Variants in SMAD6 observed in about 807,000 individuals in gnomAD.
SMAD6 encodes the protein SMAD family member 6.
A neutral mutation model predicts 39.4 loss-of-function variants in SMAD6; 103 were observed. The ratio of observed to expected loss-of-function variants is 2.62; its 90% confidence interval spans 2.23 to 3.08. The LOEUF is 3.08. Among genes scored for constraint, SMAD6 ranks in the 30% most tolerant of loss-of-function variants. The pLI is 0.00. For synonymous variants in SMAD6, 445 were observed against 353.3 expected (o/e 1.26, Z -2.91); for missense variants, 1,104 against 742.9 (o/e 1.49, Z -5.65).
Position 66,703,791 on chromosome 15 carries a change from C to A in SMAD6, c.533C>A (p.Ser178Ter). ...LEQELKTVTY[S>*]LLKRLKERSL... Reference sequence around the variant, plus strand: ...CAGGAACTCAAAACCGTCACGTACTCGCTGCTGAAGCGGCTCAAGGAGCGC... The same window carrying A: ...CAGGAACTCAAAACCGTCACGTACTAGCTGCTGAAGCGGCTCAAGGAGCGC... Residue 178 changes from serine to a stop codon, truncating the protein, a stop_gained, in exon 1 of 4, where the codon TCG becomes TAG. Transcript: ENST00000288840. LOFTEE classifies it high-confidence loss of function. The A allele has an allele frequency of 1.4e-6, 2 of 1,441,246 alleles. No individual in the cohort carries two copies. Among genetic ancestry groups the A allele is most frequent in the Non-Finnish European group, 1.8e-6 (2 of 1,086,702 alleles). The allele number at this position is 1,441,246 out of a possible 1,614,324, so 89.3% of individuals were successfully genotyped here.
chr15:66,774,060 G>A lies in SMAD6; in HGVS notation c.953-6937G>A, dbSNP rs534640598. On this transcript the variant is annotated intron_variant, in intron 3 of 3. Transcript: ENST00000288840. ...AGACCCCTGAAGACCCAGAGGACTC[G>A]GGCTGAGCCTCCCACGAATGCCCTG... 9.2e-5 allele frequency among the ~76,000 whole-genome samples: 14 copies of A among 152,286 alleles called. No homozygotes were observed. In the East Asian group the frequency reaches 9.7e-4, roughly 10 times the overall value.
chr15:66,708,823 A>G, intron 1 of SMAD6: 1 of 454,052 alleles, frequency 2.2e-6, no homozygotes. Context: ...TGCGATAAAA[A>G]AAATGTCTTG....
intron 1 of SMAD6, chr15:66,707,986 C>G (rs528317586): frequency 2.6e-5 from 4 of 152,286 alleles, no homozygotes; most frequent in Non-Finnish European, 5.9e-5. Context: ...CTAAGTACCC[C>G]CTGGGGGCTA....
At chr15:66,709,040 G>A (rs1402080603) in intron 1 of SMAD6, among the ~76,000 whole-genome samples, 2 of 152,234 alleles carry the variant, frequency 1.3e-5, no homozygotes, top group East Asian at 3.8e-4. Context: ...CCTTCAGCAA[G>A]TGGGACCTTA....
intron 3 of SMAD6, among the ~76,000 whole-genome samples, chr15:66,771,248 G>C (rs910350089): frequency 6.6e-6 from 1 of 152,212 alleles, no homozygotes; most frequent in Non-Finnish European, 1.5e-5. Flanking sequence ...ACGGTCTATG[G>C]AGGAGACACT....
intron 3 of SMAD6, among the ~76,000 whole-genome samples, chr15:66,729,033 C>G (rs1893574185): frequency 6.6e-6 from 1 of 152,200 alleles, no homozygotes; most frequent in Non-Finnish European, 1.5e-5. Flanking sequence ...AGAAGCCCCT[C>G]TAGAGGGGAT....
At chr15:66,771,420 G>C (rs1346086514) in intron 3 of SMAD6, among the ~76,000 whole-genome samples, 1 of 152,244 alleles carries the variant, frequency 6.6e-6, no homozygotes, top group Non-Finnish European at 1.5e-5. Flanking sequence ...TGTTCTGCCA[G>C]AGAGGTGGGG....
Position 66,717,264 on chromosome 15 carries a change from G to C in SMAD6, c.952+766G>C, listed in dbSNP as rs904241861. 1.1e-5 allele frequency: 6 copies of C among 562,172 alleles called. No homozygotes were observed. The African/African-American group carries it at 1.2e-4, about 11-fold the overall frequency. The allele number at this position is 562,172 out of a possible 1,614,324, so 34.8% of individuals were successfully genotyped here. A position where few individuals can be genotyped will look rare whatever the true frequency, so the allele number is the denominator to read the frequency against. On this transcript the variant is annotated intron_variant, in intron 3 of 3. Transcript: ENST00000288840. ...GGGACTGACAGCCCCTCAGGCTGGG[G>C]CTGCATACCTTGTGGGCATGTCTGG...
chr15:66,771,604 C>T (rs949488219), intron 3 of SMAD6, among the ~76,000 whole-genome samples: 7 of 152,152 alleles, frequency 4.6e-5, no homozygotes, highest in African/African-American at 1.7e-4. Flanking sequence ...CTCTGAGGAC[C>T]ACCCAAGAGA....
chr15:66,768,145 A>AC (rs1894322154), intron 3 of SMAD6, among the ~76,000 whole-genome samples: 1 of 151,290 alleles, frequency 6.6e-6, no homozygotes, highest in Non-Finnish European at 1.5e-5. Context: ...ATAATTTTTT[A>AC]TTTTTTTGTA....
intron 3 of SMAD6, among the ~76,000 whole-genome samples, chr15:66,763,072 C>T (rs1005791250): frequency 6.6e-6 from 1 of 152,158 alleles, no homozygotes; most frequent in Non-Finnish European, 1.5e-5. Context: ...AGAAGATGTC[C>T]AAAGTGCCCT....
intron 3 of SMAD6, among the ~76,000 whole-genome samples, chr15:66,759,857 G>T (rs1022904247): frequency 5.3e-5 from 8 of 152,224 alleles, no homozygotes; most frequent in African/African-American, 1.9e-4. Flanking sequence ...CTCTGTTGGG[G>T]TGTGCATACC....
chr15:66,712,238 A>G (rs1893246210), intron 2 of SMAD6, among the ~76,000 whole-genome samples: 1 of 152,196 alleles, frequency 6.6e-6, no homozygotes, highest in African/African-American at 2.4e-5. Flanking sequence ...AGGAATGTAT[A>G]TTGGTACACA....
At chr15:66,771,403 G>A (rs1894377073) in intron 3 of SMAD6, among the ~76,000 whole-genome samples, 2 of 152,194 alleles carry the variant, frequency 1.3e-5, no homozygotes, top group African/African-American at 4.8e-5. Context: ...AGCCCAGGCC[G>A]CCACTTTGTT....
chr15:66,737,543 G>T (rs1056780861), intron 3 of SMAD6, among the ~76,000 whole-genome samples: 17 of 152,150 alleles, frequency 1.1e-4, no homozygotes, highest in African/African-American at 3.9e-4. Context: ...AGGAGGAAGG[G>T]TTTTGTTGGG....
At chr15:66,740,324 C>G (rs1365488158) in intron 3 of SMAD6, 4 of 152,244 alleles carry the variant, frequency 2.6e-5, no homozygotes, top group Admixed American at 2.6e-4. Flanking sequence ...TCTAGTCACC[C>G]AGCTTGGTGT....
intron 3 of SMAD6, among the ~76,000 whole-genome samples, chr15:66,768,945 C>T (rs919183155): frequency 3.3e-5 from 5 of 152,138 alleles, no homozygotes; most frequent in Non-Finnish European, 7.4e-5. Context: ...AGACACGTAC[C>T]CTTCTGTTGA....
chr15:66,727,800 A>G (rs2439390), intron 3 of SMAD6, among the ~76,000 whole-genome samples: 23,686 of 152,210 alleles, frequency 0.16, 1,896 homozygotes, highest in South Asian at 0.2. Context: ...CCAATACATA[A>G]TACATGCAGA....
intron 3 of SMAD6, among the ~76,000 whole-genome samples, chr15:66,744,325 C>T (rs1186965433): frequency 6.6e-6 from 1 of 152,212 alleles, no homozygotes; most frequent in Non-Finnish European, 1.5e-5. Flanking sequence ...TCGGGCCAGG[C>T]CATCTGGGAA....
Sources: allele counts gnomAD v4.1 joint callset (sites outside exome capture counted in the v4.1 genomes callset), GRCh38; gene constraint gnomAD v4.1.1; transcripts MANE v1.5; gene names NCBI Gene and HGNC (gene_info 2026-07-23, HGNC 2026-07-21).